Variants in RPS6KA3 observed in about 807,000 individuals in gnomAD.
RPS6KA3 encodes the protein ribosomal protein S6 kinase alpha-3.
In RPS6KA3, 4 loss-of-function variants were observed where a neutral mutation model predicts 67.2. The ratio of observed to expected loss-of-function variants is 0.06; its 90% CI spans 0.03 to 0.14. The LOEUF is 0.14. RPS6KA3 is among the 10% of genes least tolerant of loss of function. RPS6KA3 has a pLI of 1.00. For missense variants in RPS6KA3, 204 were observed against 559.0 expected, an observed-to-expected ratio of 0.36 and a Z score of 6.40; for synonymous variants, 182 against 183.7, an observed-to-expected ratio of 0.99 and a Z score of 0.07.
At chrX:20,166,879 G>A (rs935003947) in intron 17 of RPS6KA3, among the ~76,000 whole-genome samples, 5 of 109,962 alleles carry the variant, frequency 4.5e-5, no homozygotes, top group African/African-American at 1.3e-4. Context: ...CATGACGCCC[G>A]GCTAATTTTT....
At chrX:20,227,630 G>A (rs1022371315) in intron 2 of RPS6KA3, among the ~76,000 whole-genome samples, 2 of 110,380 alleles carry the variant, frequency 1.8e-5, no homozygotes, top group Non-Finnish European at 3.8e-5. Context: ...TCATTAATAG[G>A]CTTTCAGAGG....
chrX:20,172,938 ATG>A, intron 14 of RPS6KA3, 67 bp from the exon 15 acceptor site: 1 of 992,236 alleles, frequency 1.0e-6, no homozygotes, highest in African/African-American at 1.9e-5. Context: ...ATAGGGAAGT[ATG>A]TTACTCAGCA....
chrX:20,188,486 T>A lies in RPS6KA3; in HGVS notation c.631+11A>T. On this transcript the variant is annotated intron_variant, in intron 8 of 21. Coordinates refer to ENST00000379565, the MANE Select transcript of RPS6KA3 (RefSeq NM_004586.3). Reference sequence around the variant, plus strand: ...GAAAATATTTTAATAAAACGAGGATTTTTTTTTTACCTGTTAACTTGATGT... The same window carrying A: ...GAAAATATTTTAATAAAACGAGGATATTTTTTTTACCTGTTAACTTGATGT... 1 of 969,815 alleles carries A rather than the reference T, an allele frequency of 1.0e-6. No individual in the cohort carries two copies. Among genetic ancestry groups the A allele is most frequent in the Non-Finnish European group, 1.5e-6 (1 of 685,012 alleles). The allele number at this position is 969,815 out of a possible 1,213,427, so 79.9% of individuals were successfully genotyped here.
chrX:20,255,016 A>C (rs1054342655), intron 1 of RPS6KA3, among the ~76,000 whole-genome samples: 1 of 112,540 alleles, frequency 8.9e-6, no homozygotes, highest in African/African-American at 3.2e-5. Context: ...ACATGTGTTC[A>C]CATAAAAACT....
At chrX:20,167,994 C>T (rs978300029) in intron 16 of RPS6KA3, among the ~76,000 whole-genome samples, 10 of 112,026 alleles carry the variant, frequency 8.9e-5, no homozygotes, top group African/African-American at 3.2e-4. Flanking sequence ...ACTATAGGCG[C>T]ATGCCACCAC....
intron 10 of RPS6KA3, among the ~76,000 whole-genome samples, chrX:20,179,702 A>C (rs1423638191): frequency 8.9e-6 from 1 of 111,771 alleles, no homozygotes; most frequent in East Asian, 2.8e-4. Context: ...TTCTTGGATG[A>C]GCGTTATTTC....
At chrX:20,192,592 C>CT (rs1159974637) in intron 7 of RPS6KA3, among the ~76,000 whole-genome samples, 1,326 of 45,331 alleles carry the variant, frequency 0.029, 37 homozygotes, top group East Asian at 0.096. Context: ...TGTAAATTTT[C>CT]TTTTTTTTTT....
chrX:20,183,217 AT>A (rs2067888545), intron 10 of RPS6KA3, among the ~76,000 whole-genome samples: 2 of 109,959 alleles, frequency 1.8e-5, no homozygotes, highest in South Asian at 7.7e-4. Context: ...TTTAAAGCAA[AT>A]TTTTTTTGAG....
rs1031957707 is a variant in RPS6KA3, at chrX:20,151,648, T to G, written c.*3750A>C. On this transcript the variant is annotated 3_prime_UTR_variant, in exon 22 of 22. Transcript: ENST00000379565. ...CTATCTATCCTAATGCCTTCATAAG[T>G]CTCAATGCTCAATCAACCATAAGAT... 1.8e-5 allele frequency: 2 copies of G among 111,912 alleles called. No individual in the cohort carries two copies. The highest frequency in any genetic ancestry group is 6.5e-5 in the African/African-American group (2 of 30,713). 9.2% of individuals were successfully genotyped at this position (111,912 alleles called of 1,213,427 possible).
intron 3 of RPS6KA3, among the ~76,000 whole-genome samples, chrX:20,205,241 T>C (rs942886143): frequency 3.6e-5 from 4 of 112,501 alleles, no homozygotes; most frequent in Non-Finnish European, 7.5e-5. Context: ...AACCTTTAAA[T>C]AGATATGCCA....
At chrX:20,231,492 T>G (rs1316578923) in intron 2 of RPS6KA3, among the ~76,000 whole-genome samples, 4 of 111,222 alleles carry the variant, frequency 3.6e-5, no homozygotes, top group African/African-American at 1.3e-4. Context: ...ATAAGACTTT[T>G]TACAAAAGTA....
chrX:20,254,666 T>G (rs2069986040), intron 1 of RPS6KA3, among the ~76,000 whole-genome samples: 1 of 112,328 alleles, frequency 8.9e-6, no homozygotes, highest in African/African-American at 3.2e-5. Flanking sequence ...AAAAGCCAAC[T>G]TAAGTCCCTA....
chrX:20,220,733 GA>G (rs1330666435), intron 2 of RPS6KA3, among the ~76,000 whole-genome samples: 1 of 111,737 alleles, frequency 8.9e-6, no homozygotes, highest in African/African-American at 3.3e-5. Flanking sequence ...GCACTAAAAT[GA>G]AGCAATATTT....
At chrX:20,178,761 G>A (rs914523521) in intron 10 of RPS6KA3, among the ~76,000 whole-genome samples, 1 of 105,751 alleles carries the variant, frequency 9.5e-6, no homozygotes, top group Non-Finnish European at 1.9e-5. Flanking sequence ...GATTATGGGT[G>A]AAATCAGTAT....
intron 5 of RPS6KA3, 151 bp downstream of exon 5, chrX:20,194,914 A>G (rs2148703216): frequency 2.9e-6 from 1 of 348,753 alleles, no homozygotes; most frequent in East Asian, 4.4e-5. Flanking sequence ...AGTTTGTCTA[A>G]GAAATAATGG....
intron 4 of RPS6KA3, among the ~76,000 whole-genome samples, chrX:20,196,964 C>T (rs149413293): frequency 8.9e-4 from 99 of 111,642 alleles, no homozygotes; most frequent in African/African-American, 3.2e-3. Flanking sequence ...CTCAGCTTCC[C>T]GAGCAGCTGG....
In RPS6KA3 at chrX:20,166,713, CTT is replaced by C. The variant is rs774405280; in HGVS notation, c.1602+874_1602+875del. On this transcript the variant is annotated intron_variant, in intron 17 of 21. Transcript: ENST00000379565. The stretch of plus-strand genomic sequence containing the variant: ...TCTCCTTTCCTCCCAGACTTCCCTT[CTT>C]TTTTTTTTTTTTTTTTTTTTGAGAT... 7.7e-3 allele frequency among the ~76,000 whole-genome samples: 625 copies of C among 81,219 alleles called. 2 individuals carry two copies. Among genetic ancestry groups the C allele is most frequent in the African/African-American group, 0.031 (590 of 18,936 alleles). The allele number at this position is 81,219 out of a possible 115,157, so 70.5% of individuals were successfully genotyped here.
intron 1 of RPS6KA3, among the ~76,000 whole-genome samples, chrX:20,244,600 T>G (rs373333531): frequency 1.7e-3 from 196 of 112,304 alleles, no homozygotes; most frequent in South Asian, 7.2e-3. Context: ...TTTTAATAAC[T>G]TGTACAAGAT....
At chrX:20,231,906 C>G (rs1184362466) in intron 2 of RPS6KA3, among the ~76,000 whole-genome samples, 1 of 111,471 alleles carries the variant, frequency 9.0e-6, no homozygotes, top group Non-Finnish European at 1.9e-5. Context: ...TCCCCGAGAG[C>G]CATCTGTTGT....
Sources: gnomAD v4.1 joint callset for allele counts (sites outside exome capture counted in the v4.1 genomes callset) on GRCh38, gnomAD v4.1.1 for gene constraint, MANE v1.5 for transcripts, NCBI Gene and HGNC (gene_info 2026-07-23, HGNC 2026-07-21) for gene names.